Variants in IMMP2L observed in about 807,000 individuals in gnomAD.
The protein encoded by IMMP2L is inner mitochondrial membrane peptidase subunit 2.
IMMP2L carries 18 observed loss-of-function variants against 19.3 expected under a neutral mutation model. The ratio of observed to expected loss-of-function variants is 0.93; its 90% CI spans 0.64 to 1.38. IMMP2L has a LOEUF of 1.38. Among genes scored for constraint, IMMP2L ranks in the 40% most tolerant of loss-of-function variants. The pLI, the probability that IMMP2L is intolerant of heterozygous loss-of-function variation, is 0.00. For synonymous variants in IMMP2L, 76 were observed against 73.0 expected (o/e 1.04, Z -0.21); for missense variants, 233 against 218.2 (o/e 1.07, Z -0.43).
intron 5 of IMMP2L, among the ~76,000 whole-genome samples, chr7:110,749,389 T>C (rs1047979019): frequency 1.3e-5 from 2 of 152,142 alleles, no homozygotes; most frequent in Non-Finnish European, 2.9e-5. Flanking sequence ...GCAATCTCAT[T>C]ACTGGGTATA....
chr7:110,928,880 T>C (rs780581467), intron 4 of IMMP2L, among the ~76,000 whole-genome samples: 3 of 152,130 alleles, frequency 2.0e-5, no homozygotes, highest in Non-Finnish European at 4.4e-5. Context: ...ACAGAATCTA[T>C]GTATTAAGCA....
At chr7:110,944,611 C>A (rs1377814206) in intron 4 of IMMP2L, among the ~76,000 whole-genome samples, 1 of 151,822 alleles carries the variant, frequency 6.6e-6, no homozygotes, top group African/African-American at 2.4e-5. Flanking sequence ...TCTCTAAAGG[C>A]GAAGTTACTC....
At chr7:111,148,716 T>C (rs1003681018) in intron 3 of IMMP2L, among the ~76,000 whole-genome samples, 2 of 151,902 alleles carry the variant, frequency 1.3e-5, no homozygotes, top group African/African-American at 2.4e-5. Flanking sequence ...GGGAGTATAA[T>C]CTCACAATTG....
At chr7:110,703,217 T>C (rs1244862748) in intron 5 of IMMP2L, among the ~76,000 whole-genome samples, 5 of 152,196 alleles carry the variant, frequency 3.3e-5, no homozygotes, top group Non-Finnish European at 7.4e-5. Flanking sequence ...GCTTTCTCAT[T>C]ATGTTAATAT....
At chr7:110,996,104 C>A (rs1166873055) in intron 3 of IMMP2L, among the ~76,000 whole-genome samples, 1 of 152,084 alleles carries the variant, frequency 6.6e-6, no homozygotes, top group African/African-American at 2.4e-5. Context: ...AAATTAAGAT[C>A]AAATGACAAC....
chr7:111,451,000 C>T (rs1487120325), intron 3 of IMMP2L, among the ~76,000 whole-genome samples: 1 of 151,210 alleles, frequency 6.6e-6, no homozygotes, highest in East Asian at 1.9e-4. Flanking sequence ...CAAATCAAAA[C>T]CACCATGAGA....
intron 3 of IMMP2L, among the ~76,000 whole-genome samples, chr7:111,476,576 T>C (rs1841743292): frequency 6.6e-6 from 1 of 152,170 alleles, no homozygotes; most frequent in African/African-American, 2.4e-5. Flanking sequence ...AAGGCCAAAA[T>C]CAAGGTGTCA....
intron 3 of IMMP2L, among the ~76,000 whole-genome samples, chr7:111,187,585 G>A (rs1791369311): frequency 6.6e-6 from 1 of 152,072 alleles, no homozygotes; most frequent in Admixed American, 6.5e-5. Flanking sequence ...TTAGCACAAA[G>A]TATGTTCTTA....
At chr7:111,481,514 G>GAATCA (rs1161247262) in intron 3 of IMMP2L, among the ~76,000 whole-genome samples, 1 of 151,470 alleles carries the variant, frequency 6.6e-6, no homozygotes, top group African/African-American at 2.4e-5. Flanking sequence ...TTCTTAATAA[G>GAATCA]AATCAAATAA....
At chr7:111,475,711 C>G (rs1049177478) in intron 3 of IMMP2L, among the ~76,000 whole-genome samples, 17 of 152,054 alleles carry the variant, frequency 1.1e-4, no homozygotes, top group Non-Finnish European at 1.6e-4. Flanking sequence ...AGATTTCTAC[C>G]ACTATCTTAT....
intron 3 of IMMP2L, among the ~76,000 whole-genome samples, chr7:111,071,130 A>T (rs1794914047): frequency 6.6e-6 from 1 of 152,258 alleles, no homozygotes; most frequent in Non-Finnish European, 1.5e-5. Flanking sequence ...TTTTCAACAT[A>T]ATTAGTCATT....
At chr7:111,086,931 C>A (rs944417535) in intron 3 of IMMP2L, among the ~76,000 whole-genome samples, 1 of 152,182 alleles carries the variant, frequency 6.6e-6, no homozygotes, top group African/African-American at 2.4e-5. Flanking sequence ...TTTTTGGCAT[C>A]CCTTGTTGCT....
rs572227744 is a variant in IMMP2L at position 111,406,037 on chromosome 7, A to G, written c.239+81201T>C. Among the ~76,000 whole-genome samples the G allele has an allele frequency of 3.3e-5, 5 of 152,104 alleles. No individual in the cohort carries two copies. The East Asian group carries it at 9.7e-4, about 29-fold the overall frequency. On this transcript the variant is annotated intron_variant, in intron 3 of 5. Coordinates refer to ENST00000405709, the MANE Select transcript of IMMP2L (RefSeq NM_032549.4). The stretch of plus-strand genomic sequence containing the variant: ...CTTTAAATATAATGTATATCCTGAA[A>G]ATTACCCAAATTCTATCTTCAGTCC...
At chr7:111,313,044 T>C (rs1418211218) in intron 3 of IMMP2L, among the ~76,000 whole-genome samples, 1 of 152,098 alleles carries the variant, frequency 6.6e-6, no homozygotes, top group African/African-American at 2.4e-5. Flanking sequence ...CCTGCAGTAA[T>C]TGCTGAGCTC....
chr7:110,835,130 C>A (rs12531989), intron 5 of IMMP2L, among the ~76,000 whole-genome samples: 61,432 of 151,950 alleles, frequency 0.4, 12,675 homozygotes, highest in African/African-American at 0.47. Context: ...GCTAAATCAC[C>A]TTTAGTGCTC....
At chr7:110,987,858 C>T (rs1332707645) in intron 3 of IMMP2L, among the ~76,000 whole-genome samples, 1 of 152,110 alleles carries the variant, frequency 6.6e-6, no homozygotes. Context: ...GCATTTGTTA[C>T]TGTCTCAGCT....
intron 3 of IMMP2L, among the ~76,000 whole-genome samples, chr7:111,365,900 C>G (rs543363489): frequency 6.6e-6 from 1 of 151,990 alleles, no homozygotes; most frequent in African/African-American, 2.4e-5. Flanking sequence ...GAATTATAAA[C>G]CACCAGTAAA....
intron 3 of IMMP2L, among the ~76,000 whole-genome samples, chr7:111,479,048 C>T (rs1275098981): frequency 1.3e-5 from 2 of 152,134 alleles, no homozygotes; most frequent in Non-Finnish European, 2.9e-5. Context: ...GATATAGCCC[C>T]ACAAGAATTC....
intron 3 of IMMP2L, among the ~76,000 whole-genome samples, chr7:111,462,122 T>C (rs377550011): frequency 6.6e-6 from 1 of 151,738 alleles, no homozygotes; most frequent in Admixed American, 6.6e-5. Context: ...ATATTCTAAA[T>C]GTATAATTTT....
Sources: allele counts gnomAD v4.1 joint callset (sites outside exome capture counted in the v4.1 genomes callset), GRCh38; gene constraint gnomAD v4.1.1; transcripts MANE v1.5; gene names NCBI Gene and HGNC (gene_info 2026-07-23, HGNC 2026-07-21).